The following KLHL8 variants were observed in gnomAD, a reference collection of about 807,000 sequenced individuals.
KLHL8 encodes kelch-like protein 8.
A neutral mutation model predicts 63.5 loss-of-function variants in KLHL8; 38 were observed. That is an observed-to-expected ratio of 0.60 (90% CI 0.46 to 0.78). The LOEUF (loss-of-function observed/expected upper bound fraction) is 0.78, where lower values mean the gene tolerates loss of function less well. Ranked by LOEUF, KLHL8 falls within the 30% of genes least tolerant of loss-of-function variation. The probability of loss-of-function intolerance (pLI) is 0.00; values close to 1 mark genes in which losing one functional copy is unlikely to be tolerated. For synonymous variants in KLHL8, 224 were observed against 254.3 expected (o/e 0.88, Z 1.13); for missense variants, 566 against 752.4 (o/e 0.75, Z 2.90).
At chr4:87,176,634 A>G (rs1730825810) in intron 6 of KLHL8, 123 bp downstream of exon 6, 1 of 619,392 alleles carries the variant, frequency 1.6e-6, no homozygotes, top group African/African-American at 1.9e-5. Context: ...CATGCTAACA[A>G]AATGTGTTTG....
intron 7 of KLHL8, 82 bp downstream of exon 7, chr4:87,170,365 G>C (rs1730589480): frequency 1.4e-6 from 2 of 1,429,272 alleles, no homozygotes; most frequent in African/African-American, 1.4e-5. Context: ...CTTCATACTG[G>C]TGATGATATA....
intron 2 of KLHL8, among the ~76,000 whole-genome samples, chr4:87,188,644 A>G (rs1351504112): frequency 6.6e-6 from 1 of 152,210 alleles, no homozygotes; most frequent in Non-Finnish European, 1.5e-5. Flanking sequence ...TTTTTAATGC[A>G]CTGATTCTCC....
chr4:87,213,433 G>A (rs923257306), intron 1 of KLHL8, among the ~76,000 whole-genome samples: 2 of 152,164 alleles, frequency 1.3e-5, no homozygotes, highest in African/African-American at 4.8e-5. Flanking sequence ...AAAGCACAAA[G>A]CTGAATTTAC....
chr4:87,234,387 G>A (rs1294080973), intron 1 of KLHL8, among the ~76,000 whole-genome samples: 1 of 151,680 alleles, frequency 6.6e-6, no homozygotes, highest in East Asian at 1.9e-4. Flanking sequence ...TGCACTGAGC[G>A]GAGGTCGTAC....
At chr4:87,193,375 A>C (rs1430401301) in intron 2 of KLHL8, among the ~76,000 whole-genome samples, 1 of 152,192 alleles carries the variant, frequency 6.6e-6, no homozygotes. Context: ...ATCCTGTCCT[A>C]CTGGAAAGGA....
intron 2 of KLHL8, among the ~76,000 whole-genome samples, chr4:87,186,044 A>AT (rs1731240319): frequency 6.6e-6 from 1 of 151,546 alleles, no homozygotes; most frequent in African/African-American, 2.4e-5. Flanking sequence ...ATTAAAAAAA[A>AT]ATTTTTTTTT....
chr4:87,204,399 G>A (rs1208963173), intron 1 of KLHL8, among the ~76,000 whole-genome samples: 2 of 151,636 alleles, frequency 1.3e-5, no homozygotes, highest in Admixed American at 6.6e-5. Flanking sequence ...AAAAAAAAAG[G>A]TGGAAGTTTC....
At chr4:87,219,898 G>A (rs1732755220) in intron 1 of KLHL8, 1 of 152,080 alleles carries the variant, frequency 6.6e-6, no homozygotes, top group Non-Finnish European at 1.5e-5. Context: ...TCGTCCCCGC[G>A]CGGCGTGGCC....
At chr4:87,215,103 T>G (rs767879085) in intron 1 of KLHL8, among the ~76,000 whole-genome samples, 2 of 152,192 alleles carry the variant, frequency 1.3e-5, no homozygotes, top group South Asian at 4.1e-4. Context: ...TCGGCCAGAA[T>G]TTTTTAAGGT....
chr4:87,190,599 G>A (rs1031179847), intron 2 of KLHL8, among the ~76,000 whole-genome samples: 4 of 151,122 alleles, frequency 2.6e-5, no homozygotes, highest in South Asian at 2.1e-4. Flanking sequence ...AGCCAAGATC[G>A]TGCCATTGCA....
intron 1 of KLHL8, among the ~76,000 whole-genome samples, chr4:87,226,286 G>C (rs552479159): frequency 6.6e-6 from 1 of 152,102 alleles, no homozygotes; most frequent in South Asian, 2.1e-4. Flanking sequence ...TATTAGGCCA[G>C]GCGCGATGGC....
chr4:87,178,761 T>C, intron 4 of KLHL8, 141 bp from the exon 5 acceptor site: 2 of 793,512 alleles, frequency 2.5e-6, no homozygotes, highest in Non-Finnish European at 1.8e-6. Flanking sequence ...ACTAGAAATC[T>C]AATAAAATTT....
At chr4:87,240,277 G>A (rs1733304937) in exon 1 of KLHL8, 1 of 152,184 alleles carries the variant, frequency 6.6e-6, no homozygotes, top group Admixed American at 6.5e-5. Flanking sequence ...AGGTTGTAGA[G>A]GCATTTACAT....
chr4:87,170,623 G>A lies in KLHL8; in HGVS notation c.1209-8C>T. The A allele has an allele frequency of 6.2e-7, 1 of 1,600,242 alleles. No homozygotes were observed. The highest frequency in any genetic ancestry group is 8.5e-7 in the Non-Finnish European group (1 of 1,176,032). On this transcript the variant is annotated splice_polypyrimidine_tract_variant and splice_region_variant and intron_variant, in intron 6 of 9. Coordinates refer to ENST00000273963, the MANE Select transcript of KLHL8 (RefSeq NM_020803.5). ...GCCAAGGCAATTCCTCGCCTGCAAA[G>A]ACAATAAAACATACTTTAGCAAATG...
chr4:87,168,632 ATTT>A (rs1730496921), intron 8 of KLHL8, among the ~76,000 whole-genome samples: 2 of 149,858 alleles, frequency 1.3e-5, no homozygotes, highest in South Asian at 2.1e-4. Context: ...AACACTGGAG[ATTT>A]TTATTTTTTA....
Position 87,237,414 on chromosome 4 carries a change from A to AAAAAC in KLHL8, n.57+2839_57+2843dup, listed in dbSNP as rs536131690. Reference sequence around the variant, plus strand: ...TGTTTAACTGTTATCAGTAGAAACTAAAAACAAAACAAAACAAAATGTGTT... The same window carrying AAAAAC: ...TGTTTAACTGTTATCAGTAGAAACTAAAAACAAAACAAAACAAAACAAAATGTGTT... On this transcript the variant is annotated intron_variant and non_coding_transcript_variant, in intron 1 of 1. Coordinates refer to the KLHL8 transcript ENST00000506274. Among the ~76,000 whole-genome samples, 434 of 152,322 alleles carry AAAAAC rather than the reference A, an allele frequency of 2.8e-3. 1 individual carries two copies. Among genetic ancestry groups the AAAAAC allele is most frequent in the African/African-American group, 9.6e-3 (397 of 41,568 alleles).
At chr4:87,208,291 A>AAAACAAAC (rs61613935) in intron 1 of KLHL8, among the ~76,000 whole-genome samples, 34 of 152,148 alleles carry the variant, frequency 2.2e-4, no homozygotes, top group African/African-American at 8.2e-4. Context: ...TGCTTAGCCA[A>AAAACAAAC]AAACAAACAA....
intron 2 of KLHL8, among the ~76,000 whole-genome samples, chr4:87,191,164 G>A (rs1393814856): frequency 6.6e-6 from 1 of 151,892 alleles, no homozygotes; most frequent in African/African-American, 2.4e-5. Flanking sequence ...TATGTAAAGG[G>A]AAATATTTTT....
chr4:87,233,311 G>A (rs982706179), intron 1 of KLHL8, among the ~76,000 whole-genome samples: 3 of 152,124 alleles, frequency 2.0e-5, no homozygotes, highest in Non-Finnish European at 2.9e-5. Flanking sequence ...CAAACTGACC[G>A]GGTGCGTGGC....
Sources: allele counts gnomAD v4.1 joint callset (sites outside exome capture counted in the v4.1 genomes callset), GRCh38; gene constraint gnomAD v4.1.1; transcripts MANE v1.5; gene names NCBI Gene and HGNC (gene_info 2026-07-23, HGNC 2026-07-21).